ATXN1: variants seen among roughly 807,000 people sequenced by gnomAD.
ATXN1 encodes ataxin-1.
A neutral mutation model predicts 56.4 loss-of-function variants in ATXN1; 8 were observed. The ratio of observed to expected loss-of-function variants is 0.14; its 90% CI spans 0.08 to 0.26. ATXN1 has a LOEUF of 0.26. Among genes scored for constraint, ATXN1 ranks in the 10% least tolerant of loss-of-function variants. The pLI, the probability that ATXN1 is intolerant of heterozygous loss-of-function variation, is 1.00. For synonymous variants in ATXN1, 514 were observed against 494.6 expected (o/e 1.04, Z -0.52); for missense variants, 987 against 1,106.5 (o/e 0.89, Z 1.53).
In ATXN1 at chr6:16,496,053, C is replaced by T. The variant is rs547052247; in HGVS notation, c.-298-9944G>A. Among the ~76,000 whole-genome samples the T allele has an allele frequency of 3.9e-5, 6 of 152,276 alleles. No homozygotes were observed. The East Asian group carries it at 5.8e-4, about 15-fold the overall frequency. The stretch of plus-strand genomic sequence containing the variant: ...CAGCACTCATTTTCTTTTTGGTCTA[C>T]TTGTTTTACTAAATTAAAAGCCAAC... On this transcript the variant is annotated intron_variant, in intron 5 of 7. Transcript: ENST00000436367.
In ATXN1 at chr6:16,326,372, G is replaced by T. The variant is rs552432378; in HGVS notation, c.1917+22C>A. On this transcript the variant is annotated intron_variant, in intron 7 of 7. Coordinates refer to ENST00000436367, the MANE Select transcript of ATXN1 (RefSeq NM_001128164.2). This position sits in a 1 kb window ranked among gnomAD's most constrained non-coding sequence, Gnocchi z 6.6. The stretch of plus-strand genomic sequence containing the variant: ...CATCACGGTGTGGTGTCCCATCCCT[G>T]TGCCACCCTGGCTAACGTTACCTGG... 9.3e-6 allele frequency: 15 copies of T among 1,610,412 alleles called. No homozygotes were observed. The highest frequency in any genetic ancestry group is 8.0e-5 in the African/African-American group (6 of 74,956).
chr6:16,537,751 G>A (rs766871982), intron 4 of ATXN1, among the ~76,000 whole-genome samples: 1 of 151,572 alleles, frequency 6.6e-6, no homozygotes, highest in African/African-American at 2.4e-5. Flanking sequence ...AAGAAATGAT[G>A]TTCTAACTGA....
At chr6:16,671,838 A>G (rs758620363) in intron 2 of ATXN1, among the ~76,000 whole-genome samples, 1 of 152,236 alleles carries the variant, frequency 6.6e-6, no homozygotes, top group African/African-American at 2.4e-5. Flanking sequence ...ATTCCCTGAC[A>G]TGTAACTGAA....
In ATXN1 at chr6:16,300,797, C is replaced by T. The variant is rs1760066220; in HGVS notation, c.*5532G>A. 6.6e-6 allele frequency: 1 copy of T among 152,640 alleles called. No individual in the cohort carries two copies. Among genetic ancestry groups the T allele is most frequent in the East Asian group, 1.9e-4 (1 of 5,180 alleles). The allele number at this position is 152,640 out of a possible 1,614,324, so 9.5% of individuals were successfully genotyped here. A position where few individuals can be genotyped will look rare whatever the true frequency, so the allele number is the denominator to read the frequency against. ...AACAGGAAGTGCTGAAAATGTCAAACATCATCTCTGAAGAAAAAGAAGTTG... is the reference window on the plus strand; with the variant it reads ...AACAGGAAGTGCTGAAAATGTCAAATATCATCTCTGAAGAAAAAGAAGTTG... On this transcript the variant is annotated 3_prime_UTR_variant, in exon 8 of 8. Coordinates refer to ENST00000436367, the MANE Select transcript of ATXN1 (RefSeq NM_001128164.2).
chr6:16,334,337 G>A (rs1278741525), intron 6 of ATXN1, among the ~76,000 whole-genome samples: 1 of 152,078 alleles, frequency 6.6e-6, no homozygotes, highest in Admixed American at 6.6e-5. Flanking sequence ...TTTAATAATG[G>A]TTTCAATGAA....
rs563644478 is a variant in ATXN1 at position 16,546,516 on chromosome 6, A to C, written c.-360-23828T>G. ...TTTTAACTGGACCCTGAGCCATAAA[A>C]TTAACACAGAAAATGAGCATGACAT... On this transcript the variant is annotated intron_variant, in intron 4 of 7. Transcript: ENST00000436367. 4.7e-4 allele frequency among the ~76,000 whole-genome samples: 71 copies of C among 152,340 alleles called. 1 individual carries two copies. The highest frequency in any genetic ancestry group is 9.1e-4 in the Non-Finnish European group (62 of 68,046).
rs557143264 is a variant in ATXN1, at chr6:16,485,270, C to T, written c.-161+702G>A. ...AAAGTAGGAGGGCTGAGCACCTTTG[C>T]ATTATTTCCTAGTGGAAGGGCTCCC... On this transcript the variant is annotated intron_variant, in intron 6 of 7. Coordinates refer to ENST00000436367, the MANE Select transcript of ATXN1 (RefSeq NM_001128164.2). 2.6e-5 allele frequency: 4 copies of T among 152,252 alleles called. No homozygotes were observed. The South Asian group carries it at 8.3e-4, about 32-fold the overall frequency. 9.4% of individuals were successfully genotyped at this position (152,252 alleles called of 1,614,324 possible).
chr6:16,701,991 G>A (rs1759295316), intron 2 of ATXN1, among the ~76,000 whole-genome samples: 1 of 151,940 alleles, frequency 6.6e-6, no homozygotes, highest in Non-Finnish European at 1.5e-5. Context: ...CTACTTTAAA[G>A]TTCATATGGA....
intron 2 of ATXN1, chr6:16,750,083 CCCTCCT>C (rs1043332643): frequency 6.6e-6 from 1 of 152,316 alleles, no homozygotes; most frequent in Non-Finnish European, 1.5e-5. Flanking sequence ...CTCAAGTGAT[CCCTCCT>C]CCTCAAAGTC....
At chr6:16,588,966 G>A (rs925817616) in intron 3 of ATXN1, among the ~76,000 whole-genome samples, 18 of 152,152 alleles carry the variant, frequency 1.2e-4, no homozygotes, top group East Asian at 1.9e-4. Context: ...CCAGCCAGCC[G>A]GGTCTCTCCT....
At chr6:16,718,228 AC>A (rs1232046147) in intron 2 of ATXN1, among the ~76,000 whole-genome samples, 2 of 152,226 alleles carry the variant, frequency 1.3e-5, no homozygotes, top group Non-Finnish European at 1.5e-5. Context: ...AAGTTAGAAA[AC>A]TTTTAGCCAC....
chr6:16,331,437 T>C (rs1194486181), intron 6 of ATXN1, among the ~76,000 whole-genome samples: 1 of 152,214 alleles, frequency 6.6e-6, no homozygotes, highest in East Asian at 1.9e-4. Flanking sequence ...CGCTCCCACA[T>C]TTCCATACCA....
At chr6:16,478,120 A>G (rs1229336719) in intron 6 of ATXN1, among the ~76,000 whole-genome samples, 5 of 152,200 alleles carry the variant, frequency 3.3e-5, no homozygotes, top group Admixed American at 2.6e-4. Context: ...CGCCAATGAC[A>G]GTGATGAGAT....
chr6:16,354,686 G>T (rs917987636), intron 6 of ATXN1, among the ~76,000 whole-genome samples: 4 of 152,190 alleles, frequency 2.6e-5, no homozygotes, highest in Non-Finnish European at 5.9e-5. Context: ...ACACTTTGAG[G>T]GGTGAGAGCT....
At chr6:16,308,960 C>T (rs1411953023) in intron 7 of ATXN1, among the ~76,000 whole-genome samples, 1 of 152,006 alleles carries the variant, frequency 6.6e-6, no homozygotes, top group Non-Finnish European at 1.5e-5. Flanking sequence ...GGCATGGTGG[C>T]TCATGCCTGT....
chr6:16,437,829 G>C (rs907354897), intron 6 of ATXN1, among the ~76,000 whole-genome samples: 45 of 152,360 alleles, frequency 3.0e-4, no homozygotes, highest in African/African-American at 1.0e-3. Flanking sequence ...GTAGCAGAGA[G>C]TGTAAGGAGA....
intron 5 of ATXN1, among the ~76,000 whole-genome samples, chr6:16,511,122 C>T (rs1352243708): frequency 6.6e-6 from 1 of 151,588 alleles, no homozygotes; most frequent in Non-Finnish European, 1.5e-5. Context: ...TTTTTTCCCA[C>T]GTGGTAGATG....
intron 7 of ATXN1, among the ~76,000 whole-genome samples, chr6:16,322,990 C>T (rs1169388241): frequency 4.6e-5 from 7 of 152,200 alleles, no homozygotes; most frequent in African/African-American, 1.7e-4. Context: ...CGGCATGCAG[C>T]ATAGCCACGC....
At chr6:16,543,215 C>T (rs1761748753) in intron 4 of ATXN1, among the ~76,000 whole-genome samples, 1 of 152,178 alleles carries the variant, frequency 6.6e-6, no homozygotes, top group Non-Finnish European at 1.5e-5. Flanking sequence ...CACCGTCCCG[C>T]AGCCACCACC....
Sources: allele counts gnomAD v4.1 joint callset (sites outside exome capture counted in the v4.1 genomes callset), GRCh38; gene constraint gnomAD v4.1.1; non-coding constraint Gnocchi (gnomAD v3.1); transcripts MANE v1.5; gene names NCBI Gene and HGNC (gene_info 2026-07-23, HGNC 2026-07-21).